Variants in MTIF3 observed in about 807,000 individuals in gnomAD.
MTIF3 encodes the protein translation initiation factor IF-3, mitochondrial.
Under a neutral mutation model 20.7 loss-of-function variants are expected in MTIF3, and 13 were observed. The observed-to-expected ratio is 0.63, with a 90% confidence interval of 0.41 to 1.00. The LOEUF is 1.00. Among genes scored for constraint, MTIF3 ranks in the 50% least tolerant of loss-of-function variants. The probability of loss-of-function intolerance (pLI) is 0.00; values close to 1 mark genes in which losing one functional copy is unlikely to be tolerated. For missense variants in MTIF3, 295 were observed against 324.5 expected (o/e 0.91, Z 0.70); for synonymous variants, 114 against 112.5 (o/e 1.01, Z -0.08).
At chr13:27,436,556 G>T (rs1327970232) in intron 4 of MTIF3, among the ~76,000 whole-genome samples, 1 of 152,014 alleles carries the variant, frequency 6.6e-6, no homozygotes, top group Non-Finnish European at 1.5e-5. Context: ...CTGTTTAAGG[G>T]TTATTCTACA....
chr13:27,437,307 G>T lies in MTIF3; in HGVS notation c.461-34C>A, dbSNP rs753262735. On this transcript the variant is annotated intron_variant, in intron 3 of 4. Transcript: ENST00000381120. Reference sequence around the variant, plus strand: ...AAACAGATAGGGTGCAAGGACTACTGACTAGTCCACTGTGAACCCTGAACT... The same window carrying T: ...AAACAGATAGGGTGCAAGGACTACTTACTAGTCCACTGTGAACCCTGAACT... The T allele has an allele frequency of 3.0e-5, 47 of 1,592,838 alleles. No individual in the cohort carries two copies. In the South Asian group the frequency reaches 5.3e-4, roughly 18 times the overall value.
chr13:27,438,438 C>T (rs1006457765), intron 3 of MTIF3, among the ~76,000 whole-genome samples: 1 of 147,124 alleles, frequency 6.8e-6, no homozygotes. Flanking sequence ...TGCAGTGAGC[C>T]GAAATCACAC....
At chr13:27,444,070 G>A (rs1954090929) in intron 2 of MTIF3, among the ~76,000 whole-genome samples, 1 of 152,168 alleles carries the variant, frequency 6.6e-6, no homozygotes, top group African/African-American at 2.4e-5. Context: ...TTGGGAGGCT[G>A]AGGTGGGCGG....
chr13:27,444,724 CT>C (rs1010275988), intron 2 of MTIF3, among the ~76,000 whole-genome samples: 12 of 152,156 alleles, frequency 7.9e-5, no homozygotes, highest in Admixed American at 4.6e-4. Context: ...GTAAATCCTA[CT>C]TTTTCAGGAA....
chr13:27,450,114 T>C lies in MTIF3; in HGVS notation c.-71+395A>G, dbSNP rs897824627. ...GCACTTCCGGGAGCCCCCGACCCGG[T>C]TGTTGGTAAGTCGGCGGCGACGCCC... On this transcript the variant is annotated intron_variant, in intron 1 of 4. Transcript: ENST00000381120. 3.3e-5 allele frequency: 5 copies of C among 152,198 alleles called. No homozygotes were observed. In the East Asian group the frequency reaches 5.8e-4, roughly 18 times the overall value. 9.4% of individuals were successfully genotyped at this position (152,198 alleles called of 1,614,324 possible).
chr13:27,443,331 AAAG>A (rs1954063700), intron 2 of MTIF3, among the ~76,000 whole-genome samples: 1 of 152,246 alleles, frequency 6.6e-6, no homozygotes, highest in Non-Finnish European at 1.5e-5. Context: ...CCAAACCAAA[AAAG>A]AAGAAAAATC....
chr13:27,440,800 CA>C (rs1189286313), intron 2 of MTIF3, among the ~76,000 whole-genome samples: 8 of 151,418 alleles, frequency 5.3e-5, no homozygotes, highest in African/African-American at 1.9e-4. Flanking sequence ...GTTAGGGAAA[CA>C]GACCCCCTGT....
chr13:27,436,775 G>T (rs1478163684), intron 4 of MTIF3, among the ~76,000 whole-genome samples: 1 of 114,708 alleles, frequency 8.7e-6, no homozygotes. Flanking sequence ...TTTTTGAGAC[G>T]GAGTCTTGCT....
intron 3 of MTIF3, among the ~76,000 whole-genome samples, chr13:27,439,037 T>C (rs975028499): frequency 6.6e-6 from 1 of 152,204 alleles, no homozygotes; most frequent in Non-Finnish European, 1.5e-5. Flanking sequence ...TTAGGAACTA[T>C]GAAAAACAAA....
intron 2 of MTIF3, among the ~76,000 whole-genome samples, chr13:27,443,938 C>T (rs1265167458): frequency 2.6e-5 from 4 of 151,790 alleles, no homozygotes; most frequent in South Asian, 2.1e-4. Flanking sequence ...AGAAAAATGA[C>T]GTAGGTTTTT....
chr13:27,438,492 T>TG (rs1343019780), intron 3 of MTIF3, among the ~76,000 whole-genome samples: 157 of 48,492 alleles, frequency 3.2e-3, no homozygotes, highest in African/African-American at 7.7e-3. Flanking sequence ...TGTTTTTTTT[T>TG]TTTTTTTTTT....
At chr13:27,446,213 C>T (rs1013659186) in intron 1 of MTIF3, among the ~76,000 whole-genome samples, 1 of 152,010 alleles carries the variant, frequency 6.6e-6, no homozygotes, top group Non-Finnish European at 1.5e-5. Context: ...TGCACCACTA[C>T]CGCCTGGCTA....
chr13:27,439,926 A>G, intron 3 of MTIF3, 63 bp downstream of exon 3: 1 of 1,441,810 alleles, frequency 6.9e-7, no homozygotes, highest in Non-Finnish European at 9.5e-7. Context: ...GACAAATGCT[A>G]GAATTTAAAC....
intron 3 of MTIF3, 26 bp downstream of exon 3, chr13:27,439,963 C>T (rs1210405870): frequency 6.3e-7 from 1 of 1,599,038 alleles, no homozygotes; most frequent in Non-Finnish European, 8.6e-7. Flanking sequence ...TTAAAGGATT[C>T]AGGGAGCCAA....
At chr13:27,440,697 C>T (rs1360852671) in intron 2 of MTIF3, among the ~76,000 whole-genome samples, 3 of 150,970 alleles carry the variant, frequency 2.0e-5, no homozygotes. Flanking sequence ...TTAGAATAAA[C>T]CAGATTTACA....
At chr13:27,438,839 C>T (rs1249215165) in intron 3 of MTIF3, among the ~76,000 whole-genome samples, 1 of 151,832 alleles carries the variant, frequency 6.6e-6, no homozygotes, top group Non-Finnish European at 1.5e-5. Flanking sequence ...CATTATCCTC[C>T]CTGGTTGGTC....
At chr13:27,450,407 C>T (rs12584061) in intron 1 of MTIF3, 102 bp downstream of exon 1, 18,974 of 152,322 alleles carry the variant, frequency 0.12, 1,440 homozygotes, top group Non-Finnish European at 0.16. Flanking sequence ...GACGGGGTAG[C>T]CCTGACCTTC....
intron 2 of MTIF3, 107 bp from the exon 3 acceptor site, chr13:27,440,556 C>G (rs1262887801): frequency 1.2e-6 from 1 of 823,736 alleles, no homozygotes; most frequent in Non-Finnish European, 1.9e-6. Context: ...GCTGTAACTG[C>G]AAGTGTGAGG....
At chr13:27,439,843 A>G (rs1280090477) in intron 3 of MTIF3, 146 bp downstream of exon 3, 2 of 701,064 alleles carry the variant, frequency 2.9e-6, no homozygotes, top group Non-Finnish European at 4.7e-6. Flanking sequence ...AAAGGAGGAA[A>G]GACAGACACT....
Sources: allele counts gnomAD v4.1 joint callset (sites outside exome capture counted in the v4.1 genomes callset), GRCh38; gene constraint gnomAD v4.1.1; transcripts MANE v1.5; gene names NCBI Gene and HGNC (gene_info 2026-07-23, HGNC 2026-07-21).